OPN5: variants seen among roughly 807,000 people sequenced by gnomAD.
OPN5 encodes the protein opsin-5.
In OPN5, 18 loss-of-function variants were observed where a neutral mutation model predicts 41.7. The ratio of observed to expected loss-of-function variants is 0.43; its 90% confidence interval spans 0.30 to 0.64. OPN5 has a LOEUF of 0.64. OPN5 is among the 30% of genes least tolerant of loss of function. The probability of loss-of-function intolerance (pLI) is 0.13; values close to 1 mark genes in which losing one functional copy is unlikely to be tolerated. For missense variants in OPN5, 318 were observed against 434.5 expected (o/e 0.73, Z 2.38); for synonymous variants, 178 against 164.3 (o/e 1.08, Z -0.64).
chr6:47,815,128 T>C (rs1458970790), intron 6 of OPN5, among the ~76,000 whole-genome samples: 1 of 152,178 alleles, frequency 6.6e-6, no homozygotes, highest in Non-Finnish European at 1.5e-5. Flanking sequence ...AGTCTAAATA[T>C]ATTTTAAGTT....
At chr6:47,792,463 C>T (rs1773405198) in intron 3 of OPN5, among the ~76,000 whole-genome samples, 1 of 152,168 alleles carries the variant, frequency 6.6e-6, no homozygotes, top group Non-Finnish European at 1.5e-5. Context: ...CATGAAAGGA[C>T]ACACATGTAG....
chr6:47,790,131 GA>G, intron 2 of OPN5, among the ~76,000 whole-genome samples: 1 of 151,858 alleles, frequency 6.6e-6, no homozygotes, highest in Admixed American at 6.6e-5. Flanking sequence ...AACAGAAGAA[GA>G]AAAAAAGAAA....
chr6:47,785,594 A>G (rs1428920865), intron 1 of OPN5, among the ~76,000 whole-genome samples: 1 of 152,266 alleles, frequency 6.6e-6, no homozygotes, highest in African/African-American at 2.4e-5. Flanking sequence ...ACACAGCTAC[A>G]CTATGAAGCA....
At chr6:47,791,663 G>A (rs1239960621) in intron 2 of OPN5, 139 bp from the exon 3 acceptor site, 4 of 643,378 alleles carry the variant, frequency 6.2e-6, no homozygotes, top group Non-Finnish European at 1.1e-5. Flanking sequence ...TATTAATCTA[G>A]GAAATCTGTG....
chr6:47,793,385 T>C (rs1008440667), intron 3 of OPN5, among the ~76,000 whole-genome samples: 1 of 152,190 alleles, frequency 6.6e-6, no homozygotes, highest in Non-Finnish European at 1.5e-5. Context: ...TGAACCTCAG[T>C]AGTGTGGTTT....
chr6:47,788,815 C>G (rs1255174521), intron 2 of OPN5, among the ~76,000 whole-genome samples: 54 of 58,042 alleles, frequency 9.3e-4, no homozygotes, highest in South Asian at 2.0e-3. Flanking sequence ...TGGGGGGGGG[C>G]GGTGGTGGTG....
intron 4 of OPN5, among the ~76,000 whole-genome samples, chr6:47,799,388 C>A (rs182273950): frequency 1.3e-5 from 2 of 152,212 alleles, no homozygotes; most frequent in Non-Finnish European, 2.9e-5. Context: ...CTCTCTTCTT[C>A]CCAGGATTAC....
At chr6:47,786,698 T>C in intron 2 of OPN5, 64 bp downstream of exon 2, 1 of 1,433,858 alleles carries the variant, frequency 7.0e-7, no homozygotes, top group Non-Finnish European at 9.7e-7. Flanking sequence ...AAGTACTCAC[T>C]GTCTCAAACG....
intron 6 of OPN5, among the ~76,000 whole-genome samples, chr6:47,814,993 T>C (rs111883903): frequency 2.1e-3 from 314 of 152,262 alleles, no homozygotes; most frequent in Admixed American, 2.9e-3. Flanking sequence ...CCTAGATCCC[T>C]GGACTTTCAT....
chr6:47,802,963 T>C (rs2113976732), intron 4 of OPN5, among the ~76,000 whole-genome samples: 1 of 152,304 alleles, frequency 6.6e-6, no homozygotes, highest in Non-Finnish European at 1.5e-5. Context: ...CTTGTTTTTT[T>C]CTTTTTTTGA....
At chr6:47,807,842 T>C (rs1474024442) in intron 4 of OPN5, among the ~76,000 whole-genome samples, 2 of 151,810 alleles carry the variant, frequency 1.3e-5, no homozygotes, top group Non-Finnish European at 2.9e-5. Context: ...AGAAATATTA[T>C]GATTTCCTGC....
chr6:47,813,064 A>T (rs1762303643), intron 6 of OPN5, among the ~76,000 whole-genome samples: 1 of 137,950 alleles, frequency 7.2e-6, no homozygotes, highest in African/African-American at 2.8e-5. Flanking sequence ...ATGCTCTATG[A>T]TTAAAACAAC....
At chr6:47,822,854 T>G (rs1319444284) in intron 6 of OPN5, among the ~76,000 whole-genome samples, 1 of 152,198 alleles carries the variant, frequency 6.6e-6, no homozygotes, top group Non-Finnish European at 1.5e-5. Flanking sequence ...GTTGTTCAAG[T>G]CCTCCAAACG....
chr6:47,790,813 T>C (rs1773346705), intron 2 of OPN5, among the ~76,000 whole-genome samples: 1 of 152,146 alleles, frequency 6.6e-6, no homozygotes, highest in Non-Finnish European at 1.5e-5. Flanking sequence ...ATTAAGGCTT[T>C]CTCTGATATA....
exon 2 of OPN5, chr6:47,786,596 T>G (rs753720811): frequency 6.2e-7 from 1 of 1,612,978 alleles, no homozygotes; most frequent in Non-Finnish European, 8.5e-7. Context: ...GCTGAAATAA[T>G]GACTATCAAT....
At chr6:47,812,171 A>T (rs979668283) in intron 6 of OPN5, among the ~76,000 whole-genome samples, 10 of 152,068 alleles carry the variant, frequency 6.6e-5, no homozygotes, top group African/African-American at 2.4e-4. Flanking sequence ...TTTGGTAGGT[A>T]CTTTGGTTCT....
chr6:47,795,840 C>T (rs1443176813), intron 4 of OPN5, among the ~76,000 whole-genome samples: 1 of 151,420 alleles, frequency 6.6e-6, no homozygotes, highest in African/African-American at 2.4e-5. Flanking sequence ...ATTTGTATAA[C>T]CCATCAATTT....
At chr6:47,794,283 A>G (rs1245904207) in intron 3 of OPN5, among the ~76,000 whole-genome samples, 1 of 152,194 alleles carries the variant, frequency 6.6e-6, no homozygotes, top group Non-Finnish European at 1.5e-5. Flanking sequence ...TTTGTTGAAT[A>G]TATTTTGATA....
intron 2 of OPN5, among the ~76,000 whole-genome samples, chr6:47,789,261 T>C (rs1338685901): frequency 1.3e-5 from 2 of 152,230 alleles, no homozygotes; most frequent in African/African-American, 2.4e-5. Flanking sequence ...TCTACCTAAA[T>C]GTCACATCTC....
Sources: allele counts gnomAD v4.1 joint callset (sites outside exome capture counted in the v4.1 genomes callset), GRCh38; gene constraint gnomAD v4.1.1; transcripts MANE v1.5; gene names NCBI Gene and HGNC (gene_info 2026-07-23, HGNC 2026-07-21).